The following PTPN20 variants were observed in gnomAD, a reference collection of about 807,000 sequenced individuals.
The protein encoded by PTPN20 is protein tyrosine phosphatase non-receptor type 20.
In PTPN20, 9 loss-of-function variants were observed where a neutral mutation model predicts 35.0. That is an observed-to-expected ratio of 0.26 (90% CI 0.15 to 0.45). The LOEUF is 0.45. PTPN20 is among the 20% of genes least tolerant of loss of function. The probability of loss-of-function intolerance (pLI) is 1.00; values close to 1 mark genes in which losing one functional copy is unlikely to be tolerated. For synonymous variants in PTPN20, 32 were observed against 100.2 expected, an observed-to-expected ratio of 0.32 and a Z score of 4.06; for missense variants, 111 against 312.5, an observed-to-expected ratio of 0.36 and a Z score of 4.86.
chr10:46,950,967 CATA>C (rs2046452341), intron 5 of PTPN20, among the ~76,000 whole-genome samples: 1 of 148,066 alleles, frequency 6.8e-6, no homozygotes, highest in Non-Finnish European at 1.5e-5. Context: ...ATGGAAATAC[CATA>C]ATATATTCAC....
At chr10:46,947,590 A>G (rs2045327180) in intron 5 of PTPN20, among the ~76,000 whole-genome samples, 1 of 151,768 alleles carries the variant, frequency 6.6e-6, no homozygotes, top group Non-Finnish European at 1.5e-5. Flanking sequence ...CAATCAAGGT[A>G]TAGTACATTT....
intron 1 of PTPN20, chr10:46,911,931 A>G: frequency 2.2e-5 from 2 of 92,942 alleles, no homozygotes; most frequent in Non-Finnish European, 3.4e-5. Context: ...GAAAGAAAGA[A>G]CATGAATTCA....
At chr10:46,954,315 G>A (rs1356229554) in intron 5 of PTPN20, among the ~76,000 whole-genome samples, 3 of 147,332 alleles carry the variant, frequency 2.0e-5, no homozygotes, top group Non-Finnish European at 4.4e-5. Context: ...GTTATATTAC[G>A]TTAAGGGCTA....
Position 47,001,656 on chromosome 10 carries a change from T to C in PTPN20, c.*915T>C, listed in dbSNP as rs2060046404. 1 of 152,296 alleles carries C rather than the reference T, an allele frequency of 6.6e-6. No homozygotes were observed. Among genetic ancestry groups the C allele is most frequent in the South Asian group, 2.1e-4 (1 of 4,828 alleles). 9.4% of individuals were successfully genotyped at this position (152,296 alleles called of 1,614,324 possible). ...GTATTTTTCAAACTAAGATCTATGATAGTTTTTTTTCCAGAGTTCCATTAA... is the reference window on the plus strand; with the variant it reads ...GTATTTTTCAAACTAAGATCTATGACAGTTTTTTTTCCAGAGTTCCATTAA... On this transcript the variant is annotated 3_prime_UTR_variant, in exon 11 of 11. Transcript: ENST00000374339.
At chr10:46,993,291 G>T in intron 9 of PTPN20, among the ~76,000 whole-genome samples, 1 of 152,314 alleles carries the variant, frequency 6.6e-6, no homozygotes, top group East Asian at 1.9e-4. Context: ...ACCCCAAGGG[G>T]AACCCTGGCA....
intron 2 of PTPN20, among the ~76,000 whole-genome samples, chr10:46,937,945 CTTTTCT>C (rs2042228460): frequency 9.4e-6 from 1 of 106,084 alleles, no homozygotes; most frequent in African/African-American, 4.7e-5. Flanking sequence ...TTTTCTTTTT[CTTTTCT>C]TTTTTTTTTT....
intron 9 of PTPN20, among the ~76,000 whole-genome samples, chr10:46,994,028 T>G (rs1202150816): frequency 6.6e-6 from 1 of 152,208 alleles, no homozygotes; most frequent in Non-Finnish European, 1.5e-5. Flanking sequence ...ATCTGAAAAA[T>G]ACTTTATCAC....
At chr10:46,951,074 AT>A (rs1170649410) in intron 5 of PTPN20, among the ~76,000 whole-genome samples, 3 of 150,982 alleles carry the variant, frequency 2.0e-5, no homozygotes, top group African/African-American at 7.4e-5. Flanking sequence ...CTAAAGTAAG[AT>A]AGTTAAGTCA....
At chr10:46,938,000 A>AGT (rs1408124985) in intron 2 of PTPN20, among the ~76,000 whole-genome samples, 99 of 142,098 alleles carry the variant, frequency 7.0e-4, no homozygotes, top group African/African-American at 2.5e-3. Flanking sequence ...CATAGGCTGG[A>AGT]GTGCAGTGGT....
intron 5 of PTPN20, among the ~76,000 whole-genome samples, chr10:46,953,395 C>CTTTCTTTCTTTCTTTCT (rs1341999684): frequency 1.0e-4 from 10 of 100,134 alleles, no homozygotes; most frequent in African/African-American, 4.1e-4. Flanking sequence ...TTCTTTCTTT[C>CTTTCTTTCTTTCTTTCT]TTTTTTTTTG....
rs2060073108 is a variant in PTPN20, at chr10:47,001,924, T to C, written c.*1183T>C. The C allele has an allele frequency of 6.6e-6, 1 of 152,132 alleles. No individual in the cohort carries two copies. The highest frequency in any genetic ancestry group is 2.4e-5 in the African/African-American group (1 of 41,454). 9.4% of individuals were successfully genotyped at this position (152,132 alleles called of 1,614,324 possible). A position where few individuals can be genotyped will look rare whatever the true frequency, so the allele number is the denominator to read the frequency against. ...TACCTAATTATAAGCTATAAAACAATAGATATGAGTGTTTGTACAGTTTAA... is the reference window on the plus strand; with the variant it reads ...TACCTAATTATAAGCTATAAAACAACAGATATGAGTGTTTGTACAGTTTAA... On this transcript the variant is annotated 3_prime_UTR_variant, in exon 11 of 11. Transcript: ENST00000374339.
chr10:46,953,335 TTTTCTTTCTTTCTTTC>T (rs201614690), intron 5 of PTPN20, among the ~76,000 whole-genome samples: 3,216 of 113,468 alleles, frequency 0.028, 135 homozygotes, highest in African/African-American at 0.065. Context: ...CTTTCATTTC[TTTTCTTTCTTTCTTTC>T]TTTCTTTCTT....
At chr10:46,966,310 A>G (rs1470039498) in intron 6 of PTPN20, among the ~76,000 whole-genome samples, 196 of 151,834 alleles carry the variant, frequency 1.3e-3, no homozygotes, top group African/African-American at 4.4e-3. Context: ...ACAGGTGCAC[A>G]TGCATGTGCA....
chr10:46,993,837 A>G (rs1402604642), intron 9 of PTPN20, among the ~76,000 whole-genome samples: 2 of 152,194 alleles, frequency 1.3e-5, no homozygotes, highest in African/African-American at 4.8e-5. Flanking sequence ...CATCATTACA[A>G]TAATAGAGTA....
intron 9 of PTPN20, among the ~76,000 whole-genome samples, chr10:46,997,722 A>G (rs1052023746): frequency 2.0e-5 from 3 of 152,266 alleles, no homozygotes; most frequent in African/African-American, 7.2e-5. Flanking sequence ...AATAGTTAAA[A>G]AAAAAAGAAA....
At chr10:46,959,126 T>C (rs2049154909) in intron 5 of PTPN20, among the ~76,000 whole-genome samples, 2 of 139,914 alleles carry the variant, frequency 1.4e-5, no homozygotes, top group Non-Finnish European at 3.2e-5. Flanking sequence ...TCAATTATTA[T>C]TGTAAAACTG....
intron 9 of PTPN20, among the ~76,000 whole-genome samples, chr10:46,995,089 G>T (rs2058799093): frequency 6.6e-6 from 1 of 152,138 alleles, no homozygotes; most frequent in South Asian, 2.1e-4. Context: ...TGATCAGGGA[G>T]CTCTTATATG....
chr10:46,940,481 G>T (rs1449804096), intron 2 of PTPN20, 142 bp from the exon 3 acceptor site: 19 of 804,026 alleles, frequency 2.4e-5, no homozygotes, highest in Middle Eastern at 3.7e-4. Flanking sequence ...ATTACCATAG[G>T]AGATAAAGAT....
intron 1 of PTPN20, among the ~76,000 whole-genome samples, chr10:46,929,445 A>G (rs1394326379): frequency 6.6e-6 from 1 of 151,602 alleles, no homozygotes; most frequent in Non-Finnish European, 1.5e-5. Context: ...AATATCTTTC[A>G]CAATCTTTCC....
Sources: allele counts gnomAD v4.1 joint callset (sites outside exome capture counted in the v4.1 genomes callset), GRCh38; gene constraint gnomAD v4.1.1; transcripts MANE v1.5; gene names NCBI Gene and HGNC (gene_info 2026-07-23, HGNC 2026-07-21).